The following SLC22A16 variants were observed in gnomAD, a reference collection of about 807,000 sequenced individuals.
SLC22A16 encodes solute carrier family 22 member 16, also known as WUGSC:RG331P03.1.
A neutral mutation model predicts 52.9 loss-of-function variants in SLC22A16; 53 were observed. The observed-to-expected ratio is 1.00, with a 90% CI of 0.80 to 1.26. The LOEUF is 1.26. SLC22A16 is among the 50% of genes most tolerant of loss of function. SLC22A16 has a pLI of 0.00. For missense variants in SLC22A16, 726 were observed against 704.0 expected, an observed-to-expected ratio of 1.03 and a Z score of -0.35; for synonymous variants, 291 against 268.8, an observed-to-expected ratio of 1.08 and a Z score of -0.81.
chr6:110,470,377 A>G (rs1776218857), intron 1 of SLC22A16, among the ~76,000 whole-genome samples: 1 of 152,148 alleles, frequency 6.6e-6, no homozygotes. Context: ...ACTTGCCTAA[A>G]GTTTACCTGA....
rs570289349 is a variant in SLC22A16, at chr6:110,441,564, C to G, written c.1183+680G>C. ...CATGGCAACGTTTGTTGGGGATGCTCAAGGCATTTTGCTTGTTAGCTTTCT... is the reference window on the plus strand; with the variant it reads ...CATGGCAACGTTTGTTGGGGATGCTGAAGGCATTTTGCTTGTTAGCTTTCT... On this transcript the variant is annotated intron_variant, in intron 4 of 7. Coordinates refer to ENST00000368919, the MANE Select transcript of SLC22A16 (RefSeq NM_033125.4). 5.6e-4 allele frequency among the ~76,000 whole-genome samples: 86 copies of G among 152,276 alleles called. 1 individual carries two copies. The highest frequency in any genetic ancestry group is 3.5e-3 in the South Asian group (17 of 4,818).
Position 110,456,799 on chromosome 6 carries a change from T to G in SLC22A16, c.272A>C (p.Gln91Pro). 6.2e-7 allele frequency: 1 copy of G among 1,614,204 alleles called. No individual in the cohort carries two copies. The highest frequency in any genetic ancestry group is 8.5e-7 in the Non-Finnish European group (1 of 1,180,032). The change falls in exon 2 of 8, where the codon CAG (glutamine) becomes CCG (proline). Residue 91 changes from glutamine (Q) to proline (P), a missense_variant. By Grantham distance (76) the Gln-to-Pro change is moderately conservative. Transcript: ENST00000368919. ...TGAGAGCTCCCAGATCTCACCATTCTGCAACTGCACCGTAACATAATCTTT... is the reference window on the plus strand; with the variant it reads ...TGAGAGCTCCCAGATCTCACCATTCGGCAACTGCACCGTAACATAATCTTT... ...GQKDYVTVQL[Q>P]NGEIWELSRC...
chr6:110,447,017 A>G lies in SLC22A16; in HGVS notation c.534-27T>C, dbSNP rs745861062. 8.2e-6 allele frequency: 13 copies of G among 1,579,288 alleles called. No homozygotes were observed. The East Asian group carries it at 2.5e-4, about 30-fold the overall frequency. ...TGAAAAATAAGAGTCACACAGTGGA[A>G]GAGGAAAGGTAGAGTTGTAACAGTT... On this transcript the variant is annotated intron_variant, in intron 2 of 7. Transcript: ENST00000368919.
intron 1 of SLC22A16, among the ~76,000 whole-genome samples, chr6:110,467,656 A>G (rs1428181625): frequency 6.6e-6 from 1 of 152,206 alleles, no homozygotes; most frequent in Non-Finnish European, 1.5e-5. Context: ...TGTATCCAAA[A>G]ATTTAGCCTG....
chr6:110,430,462 G>A (rs1259120632), intron 7 of SLC22A16, among the ~76,000 whole-genome samples: 1 of 152,070 alleles, frequency 6.6e-6, no homozygotes. Flanking sequence ...GGGGCAATCA[G>A]AAAAGAGAAA....
At chr6:110,476,479 G>C (rs1341207014) in intron 1 of SLC22A16, 43 bp downstream of exon 1, 6 of 1,472,760 alleles carry the variant, frequency 4.1e-6, no homozygotes, top group South Asian at 2.7e-5. Flanking sequence ...CAGACCCCTC[G>C]GCGCCGCCTC....
Position 110,435,909 on chromosome 6 carries a change from C to T in SLC22A16, c.1364G>A (p.Gly455Glu). The T allele has an allele frequency of 6.2e-7, 1 of 1,613,956 alleles. No individual in the cohort carries two copies. Among genetic ancestry groups the T allele is most frequent in the Non-Finnish European group, 8.5e-7 (1 of 1,179,972 alleles). The change falls in exon 6 of 8, where the codon GGG (glycine) becomes GAG (glutamate). Residue 455 changes from glycine (G) to glutamate (E), a missense_variant. Physicochemically the swap from Gly to Glu is moderately conservative, Grantham distance 98 (BLOSUM62 -2). Coordinates refer to ENST00000368919, the MANE Select transcript of SLC22A16 (RefSeq NM_033125.4). ...AAGATAAATGAGGCCAAATGCTGCC[C>T]CGATGGCAAATTTTCCAACCATAGC... ...VTAMVGKFAI[G>E]AAFGLIYLYT...
chr6:110,432,554 C>T (rs1235403856), intron 6 of SLC22A16, among the ~76,000 whole-genome samples: 1 of 152,242 alleles, frequency 6.6e-6, no homozygotes, highest in East Asian at 1.9e-4. Flanking sequence ...CCTGGCTGAG[C>T]AGAAATCCAC....
At chr6:110,437,521 G>A (rs1288659230) in intron 5 of SLC22A16, among the ~76,000 whole-genome samples, 1 of 152,068 alleles carries the variant, frequency 6.6e-6, no homozygotes, top group East Asian at 1.9e-4. Flanking sequence ...AAAATATTTG[G>A]CTCACCGATC....
At chr6:110,473,713 G>A (rs895110223) in intron 1 of SLC22A16, among the ~76,000 whole-genome samples, 1 of 151,012 alleles carries the variant, frequency 6.6e-6, no homozygotes, top group African/African-American at 2.4e-5. Flanking sequence ...TTTTAGTGGA[G>A]ACTTGGTTTC....
In SLC22A16 at chr6:110,475,230, G is replaced by C. The variant is rs559954739; in HGVS notation, c.53+1292C>G. On this transcript the variant is annotated intron_variant, in intron 1 of 7. Coordinates refer to ENST00000368919, the MANE Select transcript of SLC22A16 (RefSeq NM_033125.4). ...GGAGCCGTCACCTAACCGTGCTCAG[G>C]AGTGCATCATGGTTGAGAGTGTGGG... Among the ~76,000 whole-genome samples the C allele has an allele frequency of 1.1e-3, 163 of 152,288 alleles. 1 individual carries two copies. The highest frequency in any genetic ancestry group is 1.6e-3 in the Non-Finnish European group (106 of 68,022).
rs148185785 is a variant in SLC22A16 at position 110,475,086 on chromosome 6, T to G, written c.53+1436A>C. The G allele has an allele frequency of 6.6e-6, 3 of 454,690 alleles. No homozygotes were observed. In the East Asian group the frequency reaches 1.9e-4, roughly 28 times the overall value. The allele number at this position is 454,690 out of a possible 1,614,324, so 28.2% of individuals were successfully genotyped here. On this transcript the variant is annotated intron_variant, in intron 1 of 7. Transcript: ENST00000368919. The stretch of plus-strand genomic sequence containing the variant: ...TGCTCAAGACCGTATAGTTAATGTG[T>G]GGTAGCGCCAGAGTGGGAACTTAGA...
chr6:110,442,158 T>C, intron 4 of SLC22A16, 86 bp downstream of exon 4: 1 of 1,346,602 alleles, frequency 7.4e-7, no homozygotes, highest in South Asian at 1.5e-5. Context: ...ATTCTTTTTC[T>C]CAAATTCACA....
chr6:110,438,554 TATATAAC>T (rs10603592), intron 5 of SLC22A16, among the ~76,000 whole-genome samples, 159 bp downstream of exon 5: 9,516 of 152,142 alleles, frequency 0.063, 378 homozygotes, highest in Non-Finnish European at 0.091. Context: ...ATATATTACT[TATATAAC>T]AGAAAAAGAA....
intron 1 of SLC22A16, among the ~76,000 whole-genome samples, chr6:110,472,471 C>T (rs781483759): frequency 6.6e-5 from 10 of 152,122 alleles, no homozygotes; most frequent in Non-Finnish European, 1.3e-4. Flanking sequence ...AAGCTTACCT[C>T]CTGCCTCTCT....
At chr6:110,463,528 A>AAAG (rs1339896871) in intron 1 of SLC22A16, among the ~76,000 whole-genome samples, 2 of 150,074 alleles carry the variant, frequency 1.3e-5, no homozygotes, top group African/African-American at 2.4e-5. Context: ...AAAAAAAAAA[A>AAAG]AAAAAAAAGA....
chr6:110,453,966 C>G (rs1369391420), intron 2 of SLC22A16, among the ~76,000 whole-genome samples: 1 of 152,168 alleles, frequency 6.6e-6, no homozygotes, highest in Non-Finnish European at 1.5e-5. Flanking sequence ...CTTGCAGGAA[C>G]TAATCAATTC....
In SLC22A16 at chr6:110,446,990, C is replaced by A; in HGVS notation, c.534G>T (p.Arg178Ser). 1.2e-6 allele frequency: 2 copies of A among 1,611,044 alleles called. No individual in the cohort carries two copies. The highest frequency in any genetic ancestry group is 1.7e-5 in the Admixed American group (1 of 59,324). Residue 178 changes from arginine (R) to serine (S), a missense_variant and splice_region_variant, in exon 3 of 8, where the codon AGG becomes AGT. Physicochemically the swap from Arg to Ser is moderately radical, Grantham distance 110. Coordinates refer to ENST00000368919, the MANE Select transcript of SLC22A16 (RefSeq NM_033125.4). Reference protein sequence around the residue: ...GSVTFGYFSDRLGRRVVLWAT... With the variant: ...GSVTFGYFSDSLGRRVVLWAT... ...CCCACAAGACCACCCGGCGTCCTAG[C>A]CTGAAAAATAAGAGTCACACAGTGG...
chr6:110,457,863 C>T (rs1369621798), intron 1 of SLC22A16, among the ~76,000 whole-genome samples: 1 of 152,080 alleles, frequency 6.6e-6, no homozygotes, highest in African/African-American at 2.4e-5. Flanking sequence ...GAAAAGTACC[C>T]GCTACTTAGC....
Sources: allele counts gnomAD v4.1 joint callset (sites outside exome capture counted in the v4.1 genomes callset), GRCh38; gene constraint gnomAD v4.1.1; transcripts MANE v1.5; gene names NCBI Gene and HGNC (gene_info 2026-07-23, HGNC 2026-07-21).